UNC13C: variants seen among roughly 807,000 people sequenced by gnomAD.
UNC13C encodes protein unc-13 homolog C.
UNC13C carries 174 observed loss-of-function variants against 245.4 expected under a neutral mutation model. The ratio of observed to expected loss-of-function variants is 0.71; its 90% CI spans 0.63 to 0.80. The LOEUF (loss-of-function observed/expected upper bound fraction) is 0.80, where lower values mean the gene tolerates loss of function less well. Ranked by LOEUF, UNC13C falls within the 30% of genes least tolerant of loss-of-function variation. The probability of loss-of-function intolerance (pLI) is 0.00; values close to 1 mark genes in which losing one functional copy is unlikely to be tolerated. For synonymous variants in UNC13C, 992 were observed against 895.1 expected (o/e 1.11, Z -1.93); for missense variants, 2,829 against 2,602.9 (o/e 1.09, Z -1.89).
chr15:54,243,208 C>T (rs1300374302), intron 7 of UNC13C, among the ~76,000 whole-genome samples: 1 of 147,626 alleles, frequency 6.8e-6, no homozygotes, highest in Non-Finnish European at 1.5e-5. Flanking sequence ...TCCTTCAGCT[C>T]CCACTAATAA....
At chr15:54,235,815 A>C (rs1377734781) in intron 5 of UNC13C, among the ~76,000 whole-genome samples, 3 of 152,178 alleles carry the variant, frequency 2.0e-5, no homozygotes, top group South Asian at 4.1e-4. Flanking sequence ...GCGCCACTGC[A>C]CTCCAGCCTG....
At chr15:54,612,963 C>A (rs1900201295) in intron 30 of UNC13C, among the ~76,000 whole-genome samples, 1 of 151,784 alleles carries the variant, frequency 6.6e-6, no homozygotes, top group Non-Finnish European at 1.5e-5. Context: ...TCAGTGGGGT[C>A]CTAATTTTGT....
At chr15:54,464,456 T>G (rs1207213530) in intron 19 of UNC13C, among the ~76,000 whole-genome samples, 1 of 152,138 alleles carries the variant, frequency 6.6e-6, no homozygotes, top group East Asian at 1.9e-4. Context: ...AAAATAAACA[T>G]TATAATTATT....
chr15:53,842,548 C>G, the UNC13C span, among the ~76,000 whole-genome samples: 4 of 152,058 alleles, frequency 2.6e-5, no homozygotes, highest in Admixed American at 6.6e-5. Context: ...GGCCACTGAA[C>G]CCTTCTTGAG....
At chr15:54,373,194 A>C (rs1222809801) in intron 17 of UNC13C, among the ~76,000 whole-genome samples, 1 of 152,222 alleles carries the variant, frequency 6.6e-6, no homozygotes, top group Non-Finnish European at 1.5e-5. Context: ...GGCAATTTCC[A>C]GTGAAGAGCA....
rs139847860 is a variant in UNC13C at position 54,290,633 on chromosome 15, G to A, written c.3819-3262G>A. ...TGTAGAAAGACACATGCATATGTGT[G>A]TATGTTTACCCATATAGTTACTACT... On this transcript the variant is annotated intron_variant, in intron 10 of 32. Transcript: ENST00000260323. 2.3e-4 allele frequency among the ~76,000 whole-genome samples: 35 copies of A among 152,124 alleles called. No homozygotes were observed. In the East Asian group the frequency reaches 6.4e-3, roughly 28 times the overall value.
intron 19 of UNC13C, among the ~76,000 whole-genome samples, chr15:54,419,122 A>G (rs1488522025): frequency 6.6e-6 from 1 of 152,200 alleles, no homozygotes; most frequent in African/African-American, 2.4e-5. Flanking sequence ...TTGTAATGCT[A>G]TTATTTAGGT....
At chr15:54,519,217 G>C (rs545947008) in intron 24 of UNC13C, among the ~76,000 whole-genome samples, 1 of 152,228 alleles carries the variant, frequency 6.6e-6, no homozygotes, top group African/African-American at 2.4e-5. Context: ...TAGAGGAATA[G>C]TGTATGTGTT....
intron 17 of UNC13C, among the ~76,000 whole-genome samples, chr15:54,384,369 A>G (rs749716977): frequency 5.4e-4 from 82 of 152,084 alleles, no homozygotes; most frequent in Non-Finnish European, 1.1e-3. Context: ...TTTACAGCCA[A>G]CTCATCTTCA....
At position 54,264,272 on chromosome 15, in the gene UNC13C, G is replaced by A. The variant is rs1472146912; in HGVS notation, c.3553G>A (p.Val1185Ile). The A allele has an allele frequency of 6.3e-7, 1 of 1,599,142 alleles. No individual in the cohort carries two copies. Among genetic ancestry groups the A allele is most frequent in the Non-Finnish European group, 8.5e-7 (1 of 1,172,238 alleles). ...MKIREKNRPE[V>I]FEVIQEMFQI... ...GATCAGGGAGAAAAACCGGCCAGAAGTATTTGAAGTAATCCAGGAAATGTT... is the reference window on the plus strand; with the variant it reads ...GATCAGGGAGAAAAACCGGCCAGAAATATTTGAAGTAATCCAGGAAATGTT... The change falls in exon 9 of 33, where the codon GTA becomes ATA. Residue 1185 changes from valine (V) to isoleucine (I), a missense_variant. By Grantham distance (29) the Val-to-Ile change is conservative. Coordinates refer to ENST00000260323, the MANE Select transcript of UNC13C (RefSeq NM_001080534.3).
At chr15:54,383,012 T>C (rs2039760646) in intron 17 of UNC13C, among the ~76,000 whole-genome samples, 1 of 152,118 alleles carries the variant, frequency 6.6e-6, no homozygotes, top group African/African-American at 2.4e-5. Flanking sequence ...ACAGGAAATC[T>C]AAACAGGCCA....
the UNC13C span, among the ~76,000 whole-genome samples, chr15:53,844,883 G>C: frequency 1.3e-5 from 2 of 152,174 alleles, no homozygotes; most frequent in South Asian, 4.1e-4. Flanking sequence ...TGGACAAGGA[G>C]AGAGTGTTTG....
chr15:54,426,358 A>G (rs2040759932), intron 19 of UNC13C, among the ~76,000 whole-genome samples: 2 of 148,632 alleles, frequency 1.3e-5, no homozygotes, highest in Admixed American at 1.4e-4. Flanking sequence ...GTTTCTCAAA[A>G]GTTATCACAT....
chr15:54,174,920 C>T (rs2033554076), intron 4 of UNC13C, among the ~76,000 whole-genome samples: 1 of 152,130 alleles, frequency 6.6e-6, no homozygotes, highest in African/African-American at 2.4e-5. Context: ...TAAACTCAAT[C>T]GGAAGGAACC....
intron 25 of UNC13C, among the ~76,000 whole-genome samples, chr15:54,527,893 C>T (rs1330282225): frequency 6.6e-6 from 1 of 152,086 alleles, no homozygotes; most frequent in Non-Finnish European, 1.5e-5. Context: ...CTCACACTAC[C>T]AATCAGGTCT....
intron 2 of UNC13C, among the ~76,000 whole-genome samples, chr15:54,045,676 C>G (rs1018070191): frequency 1.2e-4 from 19 of 152,186 alleles, no homozygotes; most frequent in African/African-American, 3.9e-4. Flanking sequence ...TTTTCTTAAC[C>G]ATACACCTGA....
intron 19 of UNC13C, among the ~76,000 whole-genome samples, chr15:54,434,493 C>T (rs1434140131): frequency 6.6e-6 from 1 of 151,990 alleles, no homozygotes; most frequent in Non-Finnish European, 1.5e-5. Flanking sequence ...AAAGTGTTCC[C>T]TATTTAATAA....
At chr15:54,476,106 CT>C in intron 19 of UNC13C, among the ~76,000 whole-genome samples, 1 of 113,676 alleles carries the variant, frequency 8.8e-6, no homozygotes, top group African/African-American at 3.3e-5. Context: ...TAAATGTCTT[CT>C]TTTGAGAAGT....
intron 19 of UNC13C, among the ~76,000 whole-genome samples, chr15:54,450,887 C>T (rs1891136060): frequency 1.3e-5 from 2 of 152,194 alleles, no homozygotes; most frequent in African/African-American, 4.8e-5. Flanking sequence ...TAGACTGGAG[C>T]TGTTCCTATT....
Sources: allele counts gnomAD v4.1 joint callset (sites outside exome capture counted in the v4.1 genomes callset), GRCh38; gene constraint gnomAD v4.1.1; transcripts MANE v1.5; gene names NCBI Gene and HGNC (gene_info 2026-07-23, HGNC 2026-07-21).